Variants in PXK observed in about 807,000 individuals in gnomAD.
PXK encodes PX domain containing serine/threonine kinase like, also known as PX domain-containing protein kinase-like protein.
PXK carries 35 observed loss-of-function variants against 84.7 expected under a neutral mutation model. That is an observed-to-expected ratio of 0.41 (90% CI 0.32 to 0.55). The LOEUF is 0.55. Ranked by LOEUF, PXK falls within the 20% of genes least tolerant of loss-of-function variation. The probability of loss-of-function intolerance (pLI) is 0.21; values close to 1 mark genes in which losing one functional copy is unlikely to be tolerated. For missense variants in PXK, 634 were observed against 699.7 expected (o/e 0.91, Z 1.06); for synonymous variants, 253 against 260.8 (o/e 0.97, Z 0.29).
At chr3:58,356,460 C>A (rs1311981231) in intron 1 of PXK, among the ~76,000 whole-genome samples, 1 of 152,044 alleles carries the variant, frequency 6.6e-6, no homozygotes, top group Non-Finnish European at 1.5e-5. Flanking sequence ...GGGAATGATT[C>A]ATTGGAGGAT....
rs1180713806 is a variant in PXK, at chr3:58,399,466, ATT to A, written c.1181+90_1181+91del. 7.3e-7 allele frequency: 1 copy of A among 1,368,244 alleles called. No homozygotes were observed. The highest frequency in any genetic ancestry group is 1.0e-6 in the Non-Finnish European group (1 of 971,308). 84.8% of individuals were successfully genotyped at this position (1,368,244 alleles called of 1,614,324 possible). Reference sequence around the variant, plus strand: ...CCAAGCACCTGGTACTGTAGTAAAGATTCTTGCGGTCCCTGCAGAGTTGGCGT... The same window carrying A: ...CCAAGCACCTGGTACTGTAGTAAAGACTTGCGGTCCCTGCAGAGTTGGCGT... On this transcript the variant is annotated intron_variant, in intron 12 of 17. Coordinates refer to ENST00000356151, the MANE Select transcript of PXK (RefSeq NM_017771.5). The surrounding 1 kb of genome is among the most constrained non-coding windows in gnomAD (Gnocchi z 4.3).
At position 58,383,560 on chromosome 3, in the gene PXK, CA is replaced by C. The variant is rs2098524976; in HGVS notation, c.388+863del. Among the ~76,000 whole-genome samples, 7 of 152,202 alleles carry C rather than the reference CA, an allele frequency of 4.6e-5. No individual in the cohort carries two copies. In the South Asian group the frequency reaches 1.5e-3, roughly 32 times the overall value. On this transcript the variant is annotated intron_variant, in intron 4 of 17. Transcript: ENST00000356151. The surrounding 1 kb of genome is among the most constrained non-coding windows in gnomAD (Gnocchi z 4.0). The stretch of plus-strand genomic sequence containing the variant: ...CAAAGCATAGGAGGTCATTCTCTTC[CA>C]AATCTTTCCTGGATCAGGGCAGCCG...
In PXK at chr3:58,391,214, A is replaced by G; in HGVS notation, c.534A>G (p.Leu178=). ...IKNQPKERLV[L]SWADLGPDKY... is the part of the protein sequence containing the mutation. The stretch of plus-strand genomic sequence containing the variant: ...ATCAGCCAAAGGAACGGCTAGTGTT[A>G]AGCTGGGTAAGCTAGCTTTTTGCTT... The change falls in exon 6 of 18, where the codon TTA becomes TTG. Residue 178 remains leucine, a synonymous_variant. Transcript: ENST00000356151. 1 of 1,612,452 alleles carries G rather than the reference A, an allele frequency of 6.2e-7. No individual in the cohort carries two copies. The highest frequency in any genetic ancestry group is 8.5e-7 in the Non-Finnish European group (1 of 1,178,636).
chr3:58,333,016 G>A lies in PXK; in HGVS notation c.28G>A (p.Gly10Ser). MAFMEKPPA[G>S]KVLLDDTVPL... ...GGCCTTCATGGAGAAGCCGCCAGCCGGCAAGGTGCTGCTGGACGACACGGT... is the reference window on the plus strand; with the variant it reads ...GGCCTTCATGGAGAAGCCGCCAGCCAGCAAGGTGCTGCTGGACGACACGGT... Residue 10 changes from glycine to serine, a missense_variant, in exon 1 of 18, where the codon GGC (glycine) becomes AGC (serine). Around this residue, in one of 3 missense-constraint regions of PXK, gnomAD observed 353 missense variants for 385.2 expected, o/e 0.92. Transcript: ENST00000356151. The surrounding 1 kb of genome is among the most constrained non-coding windows in gnomAD (Gnocchi z 5.4). 7.3e-7 allele frequency: 1 copy of A among 1,369,936 alleles called. No homozygotes were observed. The highest frequency in any genetic ancestry group is 1.4e-5 in the South Asian group (1 of 69,118). The allele number at this position is 1,369,936 out of a possible 1,614,324, so 84.9% of individuals were successfully genotyped here.
At position 58,416,135 on chromosome 3, in the gene PXK, G is replaced by A. The variant is rs1472858439; in HGVS notation, c.1528+3172G>A. Among the ~76,000 whole-genome samples the A allele has an allele frequency of 1.3e-5, 2 of 152,280 alleles. No individual in the cohort carries two copies. Among genetic ancestry groups the A allele is most frequent in the East Asian group, 3.9e-4 (2 of 5,176 alleles). ...CTAATCTGGGATCTTTGTGGTGAGG[G>A]TCTTCAGTGGAGGCCTGAGCCTTTG... is the stretch of plus-strand genomic sequence containing the variant. On this transcript the variant is annotated intron_variant, in intron 17 of 17. Coordinates refer to ENST00000356151, the MANE Select transcript of PXK (RefSeq NM_017771.5). The surrounding 1 kb of genome is among the most constrained non-coding windows in gnomAD (Gnocchi z 4.8).
intron 17 of PXK, among the ~76,000 whole-genome samples, chr3:58,423,900 A>G (rs1201475720): frequency 6.6e-6 from 1 of 152,206 alleles, no homozygotes; most frequent in African/African-American, 2.4e-5. Context: ...AGCTGAGGGA[A>G]GTTTTAGACA....
chr3:58,413,338 C>T (rs2107638230), intron 17 of PXK: 1 of 249,584 alleles, frequency 4.0e-6, no homozygotes, highest in East Asian at 1.0e-4. Flanking sequence ...CCTCAGGGAG[C>T]CCGTCCATAG....
At chr3:58,415,340 C>T (rs990839798) in intron 17 of PXK, among the ~76,000 whole-genome samples, 2 of 152,230 alleles carry the variant, frequency 1.3e-5, no homozygotes, top group Admixed American at 1.3e-4. Context: ...GACTCCAGAA[C>T]TTTTGACCGG....
chr3:58,382,691 A>G lies in PXK; in HGVS notation c.379A>G (p.Asn127Asp). ...KFLDPNNYSA[N>D]YTEIALQQVS... ...TTTAGATCCAAACAACTATTCCGCAAACTATACTGGTAAGCGAAGGAATCT... is the reference window on the plus strand; with the variant it reads ...TTTAGATCCAAACAACTATTCCGCAGACTATACTGGTAAGCGAAGGAATCT... The change falls in exon 4 of 18, where the codon AAC becomes GAC. Residue 127 changes from asparagine to aspartate, a missense_variant. Physicochemically the swap from Asn to Asp is conservative, Grantham distance 23 (BLOSUM62 1). Transcript: ENST00000356151. 1 of 1,572,224 alleles carries G rather than the reference A, an allele frequency of 6.4e-7. No homozygotes were observed.
chr3:58,381,573 A>AT (rs2098503488), intron 3 of PXK, among the ~76,000 whole-genome samples: 1 of 150,720 alleles, frequency 6.6e-6, no homozygotes, highest in Non-Finnish European at 1.5e-5. Context: ...AAAAAAAAAA[A>AT]GACTACAAGT....
At chr3:58,334,928 G>GGGGT (rs370802568) in intron 1 of PXK, among the ~76,000 whole-genome samples, 1 of 130,428 alleles carries the variant, frequency 7.7e-6, no homozygotes, top group Non-Finnish European at 1.6e-5. Context: ...TTATTGTAAG[G>GGGGT]GTGTGTGTGT....
intron 3 of PXK, among the ~76,000 whole-genome samples, chr3:58,378,587 T>C (rs2098468183): frequency 7.5e-6 from 1 of 134,080 alleles, no homozygotes; most frequent in Non-Finnish European, 1.5e-5. Flanking sequence ...CAGGCTGGAG[T>C]GCAGTGGTGG....
chr3:58,410,219 A>T, intron 16 of PXK, 60 bp downstream of exon 16: 1 of 1,329,940 alleles, frequency 7.5e-7, no homozygotes, highest in Non-Finnish European at 1.1e-6. Context: ...AGGAGTCTCT[A>T]GTTGGTCAAG....
At chr3:58,369,238 G>A (rs1355303883) in intron 2 of PXK, among the ~76,000 whole-genome samples, 193 bp from the exon 3 acceptor site, 5 of 152,188 alleles carry the variant, frequency 3.3e-5, no homozygotes, top group Admixed American at 2.0e-4. Context: ...CCCAGCCAAC[G>A]CTTGGCACTG....
Position 58,332,929 on chromosome 3 carries a change from G to C in PXK, c.-60G>C. 6.3e-6 allele frequency: 7 copies of C among 1,112,174 alleles called. No homozygotes were observed. The highest frequency in any genetic ancestry group is 8.1e-6 in the Non-Finnish European group (7 of 864,194). 68.9% of individuals were successfully genotyped at this position (1,112,174 alleles called of 1,614,324 possible). ...GGCGGTGGAACCGGGCGGGCGGCGG[G>C]AGTCGGCGCCTCGGGTTCCTACCTC... On this transcript the variant is annotated 5_prime_UTR_variant, in exon 1 of 18. Transcript: ENST00000356151. The surrounding 1 kb of genome is among the most constrained non-coding windows in gnomAD (Gnocchi z 5.6).
chr3:58,396,664 A>G lies in PXK; in HGVS notation c.823-375A>G, dbSNP rs555541431. 7.2e-5 allele frequency among the ~76,000 whole-genome samples: 11 copies of G among 152,370 alleles called. No individual in the cohort carries two copies. The East Asian group carries it at 2.1e-3, about 29-fold the overall frequency. ...TTCTGAATTACTGGCAGAAGCACTG[A>G]TAAGATAGCTTCACTCATCTATGCA... On this transcript the variant is annotated intron_variant, in intron 9 of 17. Coordinates refer to ENST00000356151, the MANE Select transcript of PXK (RefSeq NM_017771.5).
At position 58,409,216 on chromosome 3, in the gene PXK, A is replaced by G. The variant is rs2059828772; in HGVS notation, c.1308+215A>G. On this transcript the variant is annotated intron_variant, in intron 14 of 17. Coordinates refer to ENST00000356151, the MANE Select transcript of PXK (RefSeq NM_017771.5). This position sits in a 1 kb window ranked among gnomAD's most constrained non-coding sequence, Gnocchi z 4.2. The stretch of plus-strand genomic sequence containing the variant: ...ATGTGGGAAACAAACATGTCCAGGA[A>G]GGGCAGTCTGGGTTTCTGATCAGAG... Among the ~76,000 whole-genome samples the G allele has an allele frequency of 6.6e-6, 1 of 152,218 alleles. No homozygotes were observed. Among genetic ancestry groups the G allele is most frequent in the Non-Finnish European group, 1.5e-5 (1 of 68,034 alleles).
rs2098617763 is a variant in PXK at position 58,390,533 on chromosome 3, GC to G, written c.389-46del. The G allele has an allele frequency of 7.1e-7, 1 of 1,417,880 alleles. No individual in the cohort carries two copies. The highest frequency in any genetic ancestry group is 9.9e-7 in the Non-Finnish European group (1 of 1,008,228). The allele number at this position is 1,417,880 out of a possible 1,614,324, so 87.8% of individuals were successfully genotyped here. ...ACAAGAATAATATCTTCAGCATATG[GC>G]CCTTTCCTGATATGTCTGACTAATG... On this transcript the variant is annotated intron_variant, in intron 4 of 17. Coordinates refer to ENST00000356151, the MANE Select transcript of PXK (RefSeq NM_017771.5). The surrounding 1 kb of genome is among the most constrained non-coding windows in gnomAD (Gnocchi z 4.2).
chr3:58,420,446 T>C (rs1054477141), intron 17 of PXK: 2 of 1,448,388 alleles, frequency 1.4e-6, no homozygotes, highest in African/African-American at 2.8e-5. Context: ...GACTAATATT[T>C]TACTGTCTGT....
Sources: gnomAD v4.1 joint callset for allele counts (sites outside exome capture counted in the v4.1 genomes callset) on GRCh38, gnomAD v4.1.1 for gene constraint, gnomAD v4.1.1 regional missense constraint, Gnocchi (gnomAD v3.1) non-coding constraint, MANE v1.5 for transcripts, NCBI Gene and HGNC (gene_info 2026-07-23, HGNC 2026-07-21) for gene names.